Variants in HIPK1 observed in about 807,000 individuals in gnomAD.
HIPK1 encodes homeodomain interacting protein kinase 1.
In HIPK1, 28 loss-of-function variants were observed where a neutral mutation model predicts 117.1. That is an observed-to-expected ratio of 0.24 (90% confidence interval 0.18 to 0.33). The LOEUF is 0.33. Among genes scored for constraint, HIPK1 ranks in the 10% least tolerant of loss-of-function variants. The pLI, the probability that HIPK1 is intolerant of heterozygous loss-of-function variation, is 1.00. For synonymous variants in HIPK1, 605 were observed against 562.5 expected, an observed-to-expected ratio of 1.08 and a Z score of -1.07; for missense variants, 1,122 against 1,475.1, an observed-to-expected ratio of 0.76 and a Z score of 3.92.
intron 2 of HIPK1, among the ~76,000 whole-genome samples, chr1:113,942,612 A>T: frequency 6.6e-6 from 1 of 152,210 alleles, no homozygotes; most frequent in African/African-American, 2.4e-5. Context: ...GGGTTATCCT[A>T]GAATGGCCTT....
chr1:113,929,651 A>AG (rs1391163972), intron 1 of HIPK1, 119 bp downstream of exon 1: 8 of 1,001,608 alleles, frequency 8.0e-6, no homozygotes, highest in Admixed American at 2.8e-5. Flanking sequence ...CTGCGGAGCA[A>AG]GGGGCCCGGC....
chr1:113,968,748 T>G (rs1672628330), intron 13 of HIPK1, 100 bp downstream of exon 13: 1 of 927,812 alleles, frequency 1.1e-6, no homozygotes, highest in African/African-American at 1.6e-5. Context: ...CGGTGGGGCA[T>G]GGTGGCTCAC....
intron 2 of HIPK1, among the ~76,000 whole-genome samples, chr1:113,944,004 G>A (rs776231923): frequency 6.6e-6 from 1 of 151,596 alleles, no homozygotes; most frequent in Non-Finnish European, 1.5e-5. Context: ...TATTTTTTGT[G>A]GCGACAGTGT....
Position 113,967,790 on chromosome 1 carries a change from G to A in HIPK1, c.2406G>A (p.Gln802=). ...GGAATGCCCACTCTCATGGCAACCA[G>A]TACAGCACTATCATGCAGCAGCCAT... ...DWRNAHSHGN[Q]YSTIMQQPSL... The change falls in exon 12 of 16, where the codon CAG becomes CAA. Residue 802 remains glutamine (Q), a synonymous_variant. Transcript: ENST00000426820. The A allele has an allele frequency of 1.9e-6, 3 of 1,593,846 alleles. No homozygotes were observed. Among genetic ancestry groups the A allele is most frequent in the East Asian group, 2.3e-5 (1 of 44,118 alleles).
rs1223919903 is a variant in HIPK1, at chr1:113,973,483, A to G, written c.3604A>G (p.Thr1202Ala). The change falls in exon 16 of 16, where the codon ACC becomes GCC. Residue 1202 changes from threonine to alanine, a missense_variant. This residue lies in a region of HIPK1 where 731 missense variants were observed against 860.4 expected (regional missense o/e 0.85). Coordinates refer to ENST00000426820, the MANE Select transcript of HIPK1 (RefSeq NM_198268.3). ...TIYTGYPLSP[T>A]KISQYSYL ...TTACACTGGATACCCGCTGAGTCCT[A>G]CCAAGATCAGCCAGTATTCCTACTT... 2 of 1,601,298 alleles carry G rather than the reference A, an allele frequency of 1.2e-6. No individual in the cohort carries two copies. The highest frequency in any genetic ancestry group is 2.2e-5 in the South Asian group (2 of 89,406).
chr1:113,971,800 C>T (rs747439472), intron 14 of HIPK1, 24 bp from the exon 15 acceptor site: 12 of 1,588,232 alleles, frequency 7.6e-6, no homozygotes. Context: ...CTACTCATAA[C>T]TATTAAGCCT....
chr1:113,935,848 C>T (rs1670214448), intron 1 of HIPK1, among the ~76,000 whole-genome samples: 1 of 152,144 alleles, frequency 6.6e-6, no homozygotes, highest in Non-Finnish European at 1.5e-5. Context: ...TATTGAGTTG[C>T]TATTCACATT....
chr1:113,955,354 T>C (rs1400862272), intron 4 of HIPK1, among the ~76,000 whole-genome samples: 4 of 152,242 alleles, frequency 2.6e-5, no homozygotes, highest in Admixed American at 1.3e-4. Context: ...GTATCATTAC[T>C]TGCATGTTTA....
chr1:113,971,406 G>C (rs1205612473), intron 14 of HIPK1, among the ~76,000 whole-genome samples: 1 of 152,132 alleles, frequency 6.6e-6, no homozygotes, highest in African/African-American at 2.4e-5. Flanking sequence ...ATAGAATTTT[G>C]CCTTCTTTTA....
chr1:113,959,963 C>T (rs1671988479), intron 8 of HIPK1, among the ~76,000 whole-genome samples: 1 of 152,104 alleles, frequency 6.6e-6, no homozygotes, highest in African/African-American at 2.4e-5. Flanking sequence ...CCTTCATATG[C>T]CCAAAGTCCT....
chr1:113,961,999 A>AT (rs758920245), intron 8 of HIPK1, among the ~76,000 whole-genome samples: 13 of 150,218 alleles, frequency 8.7e-5, no homozygotes, highest in South Asian at 2.1e-4. Context: ...CTAAGTGAAG[A>AT]TTTTTTTGTT....
At chr1:113,948,970 T>C (rs1024117124) in intron 2 of HIPK1, among the ~76,000 whole-genome samples, 1 of 152,112 alleles carries the variant, frequency 6.6e-6, no homozygotes, top group Non-Finnish European at 1.5e-5. Context: ...CTGGAGTAGT[T>C]GGGATTACAG....
rs190328590 is a variant in HIPK1, at chr1:113,945,476, T to G, written c.1076+4017T>G. ...GAGTTTTATAGTTTTAGCTCTTATA[T>G]TTTGGTCTTTGATTCTTTGTTGATT... On this transcript the variant is annotated intron_variant, in intron 2 of 15. Transcript: ENST00000426820. 7.9e-5 allele frequency among the ~76,000 whole-genome samples: 12 copies of G among 152,330 alleles called. No individual in the cohort carries two copies. In the East Asian group the frequency reaches 1.7e-3, roughly 22 times the overall value.
At chr1:113,952,964 C>T in intron 3 of HIPK1, 75 bp downstream of exon 3, 1 of 1,287,946 alleles carries the variant, frequency 7.8e-7, no homozygotes, top group Non-Finnish European at 1.0e-6. Context: ...AAGAGAAGTA[C>T]TAAGTACTAC....
intron 2 of HIPK1, among the ~76,000 whole-genome samples, chr1:113,950,637 G>A (rs915778243): frequency 6.6e-6 from 1 of 151,980 alleles, no homozygotes; most frequent in Non-Finnish European, 1.5e-5. Flanking sequence ...TGAGTAGTTG[G>A]GATTACAGCT....
intron 11 of HIPK1, 75 bp from the exon 12 acceptor site, chr1:113,967,691 G>A: frequency 1.9e-6 from 2 of 1,078,796 alleles, no homozygotes; most frequent in South Asian, 4.6e-5. Flanking sequence ...TTGGCTAATT[G>A]CTTTTGATGT....
In HIPK1 at chr1:113,977,485, C is replaced by A. The variant is rs1673197797; in HGVS notation, c.*3973C>A. The A allele has an allele frequency of 2.0e-5, 3 of 152,666 alleles. No homozygotes were observed. The highest frequency in any genetic ancestry group is 2.0e-4 in the Admixed American group (3 of 15,268). 9.5% of individuals were successfully genotyped at this position (152,666 alleles called of 1,614,324 possible). ...GTGCGATTTAAACTTTTTTTGCTTT[C>A]TCCCTTTTTTTGGTTGTGCGCTTTC... On this transcript the variant is annotated 3_prime_UTR_variant, in exon 16 of 16. Coordinates refer to ENST00000426820, the MANE Select transcript of HIPK1 (RefSeq NM_198268.3).
chr1:113,944,668 C>A (rs1206292543), intron 2 of HIPK1, among the ~76,000 whole-genome samples: 1 of 149,990 alleles, frequency 6.7e-6, no homozygotes, highest in Non-Finnish European at 1.5e-5. Flanking sequence ...TTAGTAGAGA[C>A]AGGGTTTCAC....
rs1334313247 is a variant in HIPK1 at position 113,968,408 on chromosome 1, C to G, written c.2565-34C>G. Reference sequence around the variant, plus strand: ...GATACACAATTTGGAAGGCCAAGGACTGAATCATCTTTCCATGTGAACTTT... The same window carrying G: ...GATACACAATTTGGAAGGCCAAGGAGTGAATCATCTTTCCATGTGAACTTT... On this transcript the variant is annotated intron_variant, in intron 12 of 15. Coordinates refer to ENST00000426820, the MANE Select transcript of HIPK1 (RefSeq NM_198268.3). 4 of 1,494,370 alleles carry G rather than the reference C, an allele frequency of 2.7e-6. No individual in the cohort carries two copies. In the East Asian group the frequency reaches 9.0e-5, roughly 34 times the overall value. The allele number at this position is 1,494,370 out of a possible 1,614,324, so 92.6% of individuals were successfully genotyped here.
Sources: allele counts gnomAD v4.1 joint callset (sites outside exome capture counted in the v4.1 genomes callset), GRCh38; gene constraint gnomAD v4.1.1; regional missense constraint gnomAD v4.1.1; transcripts MANE v1.5; gene names NCBI Gene and HGNC (gene_info 2026-07-23, HGNC 2026-07-21).